Variants in NTN4 observed in about 807,000 individuals in gnomAD.
NTN4 encodes netrin 4.
Under a neutral mutation model 73.6 loss-of-function variants are expected in NTN4, and 32 were observed. The observed-to-expected ratio is 0.44, with a 90% CI of 0.33 to 0.58. The LOEUF (loss-of-function observed/expected upper bound fraction) is 0.58. NTN4 is among the 20% of genes least tolerant of loss of function. NTN4 has a pLI of 0.04. For synonymous variants in NTN4, 258 were observed against 287.5 expected, an observed-to-expected ratio of 0.90 and a Z score of 1.04; for missense variants, 654 against 798.3, an observed-to-expected ratio of 0.82 and a Z score of 2.18.
chr12:95,670,653 G>A (rs2078220099), intron 7 of NTN4: 1 of 152,232 alleles, frequency 6.6e-6, no homozygotes, highest in South Asian at 2.1e-4. Context: ...ATAAAGATAA[G>A]CAAGATACAA....
intron 1 of NTN4, 136 bp from the exon 2 acceptor site, chr12:95,787,604 C>T: frequency 2.7e-6 from 2 of 750,240 alleles, no homozygotes; most frequent in South Asian, 3.7e-5. Context: ...TTCTACCATG[C>T]TCCACCATGT....
intron 2 of NTN4, among the ~76,000 whole-genome samples, chr12:95,779,513 C>G (rs1039877136): frequency 2.0e-5 from 3 of 152,292 alleles, no homozygotes; most frequent in African/African-American, 4.8e-5. Context: ...ACACCAATAA[C>G]AGACAAACAG....
At chr12:95,742,452 A>C (rs1473469606) in intron 2 of NTN4, among the ~76,000 whole-genome samples, 1 of 152,182 alleles carries the variant, frequency 6.6e-6, no homozygotes, top group African/African-American at 2.4e-5. Flanking sequence ...GAACAGAATA[A>C]GGAATAAATA....
chr12:95,746,118 C>G (rs2078860612), intron 2 of NTN4, among the ~76,000 whole-genome samples: 1 of 152,172 alleles, frequency 6.6e-6, no homozygotes, highest in Non-Finnish European at 1.5e-5. Flanking sequence ...TCCATCTTGG[C>G]TCTTTCACTG....
Position 95,790,542 on chromosome 12 carries a change from G to C in NTN4, c.-233C>G, listed in dbSNP as rs2079201720. 5.9e-6 allele frequency: 2 copies of C among 341,768 alleles called. No homozygotes were observed. Among genetic ancestry groups the C allele is most frequent in the South Asian group, 2.8e-4 (2 of 7,254 alleles). 21.2% of individuals were successfully genotyped at this position (341,768 alleles called of 1,614,324 possible). A position where few individuals can be genotyped will look rare whatever the true frequency, so the allele number is the denominator to read the frequency against. ...CCGGCCTGGCGGGTCCCGGGCACCT[G>C]GGGGGCGGCGGGAGCCCCGGGACCA... On this transcript the variant is annotated 5_prime_UTR_variant, in exon 1 of 10. Transcript: ENST00000343702. The surrounding 1 kb of genome is among the most constrained non-coding windows in gnomAD (Gnocchi z 6.5).
intron 2 of NTN4, among the ~76,000 whole-genome samples, chr12:95,754,149 A>G (rs2078930717): frequency 6.6e-6 from 1 of 152,016 alleles, no homozygotes; most frequent in Admixed American, 6.6e-5. Flanking sequence ...GACCTTTTAT[A>G]CCTGTTTTTC....
At chr12:95,667,316 G>A (rs1307562330) in intron 8 of NTN4, among the ~76,000 whole-genome samples, 2 of 151,098 alleles carry the variant, frequency 1.3e-5, no homozygotes, top group East Asian at 2.0e-4. Flanking sequence ...TCAGCCTCCC[G>A]AGTAGCTGGG....
chr12:95,720,565 T>C (rs1193113099), intron 3 of NTN4, among the ~76,000 whole-genome samples: 3 of 152,174 alleles, frequency 2.0e-5, no homozygotes, highest in Non-Finnish European at 2.9e-5. Flanking sequence ...ATATATATTA[T>C]GAAGCCTTGA....
chr12:95,696,727 C>T (rs1352698781), intron 5 of NTN4, among the ~76,000 whole-genome samples: 2 of 152,158 alleles, frequency 1.3e-5, no homozygotes, highest in East Asian at 3.8e-4. Context: ...GTACTGGATA[C>T]TGGATACTAG....
intron 3 of NTN4, among the ~76,000 whole-genome samples, chr12:95,717,008 C>T (rs1184713348): frequency 1.3e-5 from 2 of 152,032 alleles, no homozygotes; most frequent in Non-Finnish European, 2.9e-5. Flanking sequence ...TAGGGTTTCA[C>T]TACATTGCCC....
intron 2 of NTN4, among the ~76,000 whole-genome samples, chr12:95,750,864 C>T (rs970040539): frequency 5.4e-4 from 82 of 152,156 alleles, no homozygotes; most frequent in Middle Eastern, 3.4e-3. Context: ...ACACCTGGTC[C>T]GGCTTACAGT....
Position 95,659,120 on chromosome 12 carries a change from T to C in NTN4, c.1853A>G (p.Lys618Arg), listed in dbSNP as rs1165881959. ...CTCTCTTTTTAAAATATCCATGACT[T>C]TTCTTCCAAGAGAAGGTTTCCAGTG... is the stretch of plus-strand genomic sequence containing the variant. Reference protein sequence around the residue: ...VQHWKPSLGRKVMDILKRECK With the variant: ...VQHWKPSLGRRVMDILKRECK The change falls in exon 10 of 10, where the codon AAA becomes AGA. Residue 618 changes from lysine (K) to arginine (R), a missense_variant. Transcript: ENST00000343702. The C allele has an allele frequency of 6.2e-7, 1 of 1,613,658 alleles. No homozygotes were observed. Among genetic ancestry groups the C allele is most frequent in the Non-Finnish European group, 8.5e-7 (1 of 1,179,892 alleles).
chr12:95,784,624 G>A (rs1390659378), intron 2 of NTN4, among the ~76,000 whole-genome samples: 1 of 152,024 alleles, frequency 6.6e-6, no homozygotes, highest in East Asian at 1.9e-4. Flanking sequence ...AAAAAAAGCT[G>A]GATGTGGTGG....
At chr12:95,708,441 C>T (rs1050129861) in intron 5 of NTN4, among the ~76,000 whole-genome samples, 10 of 151,932 alleles carry the variant, frequency 6.6e-5, no homozygotes, top group African/African-American at 2.4e-4. Context: ...GCGCCCGCCA[C>T]CACGCCCGGC....
intron 3 of NTN4, among the ~76,000 whole-genome samples, chr12:95,731,835 T>C (rs944656245): frequency 2.0e-5 from 3 of 152,278 alleles, no homozygotes; most frequent in African/African-American, 7.2e-5. Flanking sequence ...ATTGTGGCTC[T>C]ACCCTTCGTT....
At chr12:95,755,579 C>T (rs1320863357) in intron 2 of NTN4, among the ~76,000 whole-genome samples, 6 of 152,156 alleles carry the variant, frequency 3.9e-5, no homozygotes, top group South Asian at 2.1e-4. Flanking sequence ...GCATTCGGCA[C>T]CCTGTTTCAT....
intron 2 of NTN4, among the ~76,000 whole-genome samples, chr12:95,764,526 A>G (rs1313962265): frequency 1.3e-5 from 2 of 152,128 alleles, no homozygotes; most frequent in Non-Finnish European, 1.5e-5. Context: ...TTAGCTGTGC[A>G]TGGCGTCAGG....
intron 7 of NTN4, chr12:95,673,031 TG>T: frequency 6.8e-7 from 1 of 1,474,852 alleles, no homozygotes; most frequent in Non-Finnish European, 9.4e-7. Context: ...TGTAAAGCCA[TG>T]GAAGCTGTGG....
chr12:95,665,865 T>C lies in NTN4; in HGVS notation c.1695A>G (p.Thr565=), dbSNP rs1176058298. The C allele has an allele frequency of 2.5e-6, 4 of 1,613,938 alleles. No individual in the cohort carries two copies. The highest frequency in any genetic ancestry group is 2.7e-5 in the African/African-American group (2 of 74,942). The change falls in exon 9 of 10, where the codon ACA becomes ACG. Residue 565 remains threonine, a synonymous_variant. Transcript: ENST00000343702. ...TGTCCGTCCATGATTCTGGATATAA[T>C]GTTCGCTTTCCTCGGAAAATCTTCA... The part of the protein sequence containing the change: ...TKLKIFRGKR[T]LYPESWTDRG...
Sources: allele counts gnomAD v4.1 joint callset (sites outside exome capture counted in the v4.1 genomes callset), GRCh38; gene constraint gnomAD v4.1.1; non-coding constraint Gnocchi (gnomAD v3.1); transcripts MANE v1.5; gene names NCBI Gene and HGNC (gene_info 2026-07-23, HGNC 2026-07-21).